Variants in FBN1 observed in about 807,000 individuals in gnomAD.
The protein encoded by FBN1 is fibrillin 1, also known as fibrillin-1.
FBN1 carries 29 observed loss-of-function variants against 365.1 expected under a neutral mutation model. The ratio of observed to expected loss-of-function variants is 0.08; its 90% CI spans 0.06 to 0.11. FBN1 has a LOEUF of 0.11. Ranked by LOEUF, FBN1 falls within the 10% of genes least tolerant of loss-of-function variation. The pLI is 1.00. For synonymous variants in FBN1, 1,210 were observed against 1,270.5 expected (o/e 0.95, Z 1.01); for missense variants, 2,476 against 3,703.2 (o/e 0.67, Z 8.60).
At chr15:48,560,398 G>A (rs1481654268) in intron 6 of FBN1, among the ~76,000 whole-genome samples, 2 of 152,150 alleles carry the variant, frequency 1.3e-5, no homozygotes, top group Non-Finnish European at 2.9e-5. Context: ...AGAGGATGTG[G>A]TAAGGATTAA....
Position 48,534,222 on chromosome 15 carries a change from G to T in FBN1, c.737-17C>A. The T allele has an allele frequency of 6.3e-7, 1 of 1,577,560 alleles. No homozygotes were observed. Among genetic ancestry groups the T allele is most frequent in the Middle Eastern group, 1.7e-4 (1 of 5,900 alleles). Reference sequence around the variant, plus strand: ...CATCCACATCTGTCAGATTACAGAAGACAGAGAGAAAAAAAAAAAACTCAT... The same window carrying T: ...CATCCACATCTGTCAGATTACAGAATACAGAGAGAAAAAAAAAAAACTCAT... On this transcript the variant is annotated splice_polypyrimidine_tract_variant and intron_variant, in intron 7 of 65. Transcript: ENST00000316623.
chr15:48,588,442 T>G (rs1182509440), intron 6 of FBN1, among the ~76,000 whole-genome samples: 1 of 152,166 alleles, frequency 6.6e-6, no homozygotes, highest in Non-Finnish European at 1.5e-5. Context: ...ATATTAAATG[T>G]GGGGCTAACG....
At chr15:48,436,868 A>G (rs2043075982) in intron 53 of FBN1, 93 bp downstream of exon 53, 2 of 834,496 alleles carry the variant, frequency 2.4e-6, no homozygotes, top group Non-Finnish European at 4.3e-6. Flanking sequence ...TTTCAGTGCC[A>G]TCTTGGTACC....
chr15:48,504,602 G>A (rs1015933924), intron 16 of FBN1, among the ~76,000 whole-genome samples: 1 of 152,108 alleles, frequency 6.6e-6, no homozygotes, highest in African/African-American at 2.4e-5. Context: ...TTTTTATAAA[G>A]CCTCATAAAA....
chr15:48,616,515 GAAGCTGGA>G (rs1249949820), intron 2 of FBN1, among the ~76,000 whole-genome samples: 1 of 152,184 alleles, frequency 6.6e-6, no homozygotes, highest in Non-Finnish European at 1.5e-5. Flanking sequence ...ATGTCTTATT[GAAGCTGGA>G]AAGAACCAAA....
rs141456096 is a variant in FBN1 at position 48,445,617 on chromosome 15, C to T, written c.5789-113G>A. 6.3e-3 allele frequency: 7,332 copies of T among 1,168,750 alleles called. 28 individuals are homozygous for T. Among genetic ancestry groups the T allele is most frequent in the Non-Finnish European group, 8.0e-3 (6,460 of 802,572 alleles). 72.4% of individuals were successfully genotyped at this position (1,168,750 alleles called of 1,614,324 possible). On this transcript the variant is annotated intron_variant, in intron 47 of 65. Coordinates refer to ENST00000316623, the MANE Select transcript of FBN1 (RefSeq NM_000138.5). ...TTTTTCTGAATTTTAGTGGCCTTTG[C>T]TGGCTTAGCCAAACAAGAAATGCCA... is the stretch of plus-strand genomic sequence containing the variant.
intron 6 of FBN1, among the ~76,000 whole-genome samples, chr15:48,570,431 G>C (rs954943885): frequency 6.6e-6 from 1 of 150,558 alleles, no homozygotes; most frequent in Non-Finnish European, 1.5e-5. Flanking sequence ...CAAAAAATTT[G>C]TTTTGTGCCT....
intron 60 of FBN1, 40 bp from the exon 61 acceptor site, chr15:48,422,108 C>T: frequency 7.1e-7 from 1 of 1,398,958 alleles, no homozygotes. Flanking sequence ...GTCAAGCCAA[C>T]AAAACAGGAT....
chr15:48,630,598 G>A (rs1247295192), intron 2 of FBN1, among the ~76,000 whole-genome samples: 2 of 152,054 alleles, frequency 1.3e-5, no homozygotes, highest in African/African-American at 4.8e-5. Flanking sequence ...AACTTTAAAA[G>A]GAAAAGTTTA....
chr15:48,482,270 A>C (rs1004350337), intron 31 of FBN1, among the ~76,000 whole-genome samples: 3 of 152,200 alleles, frequency 2.0e-5, no homozygotes, highest in African/African-American at 4.8e-5. Context: ...GACTTCAAAC[A>C]TTTTCAGTAA....
At chr15:48,455,493 A>G (rs763433555) in intron 44 of FBN1, among the ~76,000 whole-genome samples, 8 of 152,320 alleles carry the variant, frequency 5.3e-5, no homozygotes, top group South Asian at 2.1e-4. Context: ...CATGTTTGAG[A>G]GGGGGAAAAG....
intron 36 of FBN1, among the ~76,000 whole-genome samples, chr15:48,468,851 G>A (rs1479012286): frequency 6.6e-6 from 1 of 151,752 alleles, no homozygotes; most frequent in Non-Finnish European, 1.5e-5. Flanking sequence ...GGCAGATCAC[G>A]AGGTCAGGAG....
Position 48,408,731 on chromosome 15 carries a change from G to T in FBN1, c.*2259C>A, listed in dbSNP as rs2042837723. 1 of 152,610 alleles carries T rather than the reference G, an allele frequency of 6.6e-6. No homozygotes were observed. Among genetic ancestry groups the T allele is most frequent in the East Asian group, 1.9e-4 (1 of 5,196 alleles). 9.5% of individuals were successfully genotyped at this position (152,610 alleles called of 1,614,324 possible). A position where few individuals can be genotyped will look rare whatever the true frequency, so the allele number is the denominator to read the frequency against. ...ATGTTTTGTTACAGTCAGAAACATG[G>T]AAAATATGCTGTTCAAAATTGTTGG... On this transcript the variant is annotated 3_prime_UTR_variant, in exon 66 of 66. Coordinates refer to ENST00000316623, the MANE Select transcript of FBN1 (RefSeq NM_000138.5).
intron 2 of FBN1, among the ~76,000 whole-genome samples, chr15:48,634,205 T>C (rs1890046901): frequency 6.6e-6 from 1 of 152,194 alleles, no homozygotes; most frequent in Admixed American, 6.5e-5. Flanking sequence ...AAACCATTAG[T>C]TACAAGAAGC....
intron 60 of FBN1, among the ~76,000 whole-genome samples, chr15:48,424,224 C>G (rs1566892400): frequency 1.3e-5 from 2 of 152,200 alleles, no homozygotes; most frequent in Non-Finnish European, 1.5e-5. Context: ...CTCTCAACTT[C>G]CTCTCCCCAA....
chr15:48,422,096 G>T, intron 60 of FBN1, 28 bp from the exon 61 acceptor site: 1 of 1,493,886 alleles, frequency 6.7e-7, no homozygotes, highest in South Asian at 1.1e-5. Context: ...AGAGGCATTT[G>T]AGTCAAGCCA....
At chr15:48,573,357 G>A (rs116551819) in intron 6 of FBN1, among the ~76,000 whole-genome samples, 1 of 152,072 alleles carries the variant, frequency 6.6e-6, no homozygotes, top group Non-Finnish European at 1.5e-5. Flanking sequence ...GGTGCATAAA[G>A]TGATAGCTAT....
intron 4 of FBN1, among the ~76,000 whole-genome samples, chr15:48,609,864 C>G (rs1274441654): frequency 6.6e-6 from 1 of 152,244 alleles, no homozygotes; most frequent in Non-Finnish European, 1.5e-5. Context: ...CTCAAATGTT[C>G]AGACTCTTAA....
chr15:48,603,352 C>T (rs1371722438), intron 4 of FBN1, among the ~76,000 whole-genome samples: 2 of 137,662 alleles, frequency 1.5e-5, no homozygotes, highest in African/African-American at 6.5e-5. Context: ...GCTTTGCCAC[C>T]GTGTTAACCA....
Sources: allele counts gnomAD v4.1 joint callset (sites outside exome capture counted in the v4.1 genomes callset), GRCh38; gene constraint gnomAD v4.1.1; transcripts MANE v1.5; gene names NCBI Gene and HGNC (gene_info 2026-07-23, HGNC 2026-07-21).